The following HINT3 variants were observed in gnomAD, a reference collection of about 807,000 sequenced individuals.
HINT3 encodes the protein histidine triad nucleotide binding protein 3.
HINT3 carries 16 observed loss-of-function variants against 19.1 expected under a neutral mutation model. That is an observed-to-expected ratio of 0.84 (90% CI 0.57 to 1.27). HINT3 has a LOEUF of 1.27. Ranked by LOEUF, HINT3 falls within the 50% of genes most tolerant of loss-of-function variation. The probability of loss-of-function intolerance (pLI) is 0.00; values close to 1 mark genes in which losing one functional copy is unlikely to be tolerated. For missense variants in HINT3, 197 were observed against 225.8 expected (o/e 0.87, Z 0.82); for synonymous variants, 75 against 84.8 (o/e 0.88, Z 0.63).
chr6:125,957,876 G>T (rs1385250160), intron 1 of HINT3, among the ~76,000 whole-genome samples: 1 of 152,182 alleles, frequency 6.6e-6, no homozygotes, highest in Non-Finnish European at 1.5e-5. Flanking sequence ...TCCAAAGATT[G>T]TGTCTTTTGT....
At chr6:125,976,245 A>G (rs923559860) in intron 4 of HINT3, among the ~76,000 whole-genome samples, 1 of 151,962 alleles carries the variant, frequency 6.6e-6, no homozygotes, top group African/African-American at 2.4e-5. Context: ...CATTTAAATA[A>G]TATAAAAATA....
chr6:125,976,052 T>C lies in HINT3; in HGVS notation c.516+1079T>C, dbSNP rs896295715. Among the ~76,000 whole-genome samples the C allele has an allele frequency of 5.9e-5, 9 of 152,344 alleles. No individual in the cohort carries two copies. In the South Asian group the frequency reaches 1.9e-3, roughly 32 times the overall value. On this transcript the variant is annotated intron_variant, in intron 4 of 4. Coordinates refer to ENST00000229633, the MANE Select transcript of HINT3 (RefSeq NM_138571.5). ...ACCAGGGTGTTATTTTATGTGTCCA[T>C]GATGACAAAGTGATCTGTAGTTGCC...
chr6:125,964,856 G>C (rs1788994285), intron 1 of HINT3, among the ~76,000 whole-genome samples: 1 of 151,954 alleles, frequency 6.6e-6, no homozygotes, highest in Non-Finnish European at 1.5e-5. Flanking sequence ...ATGATGCCTG[G>C]ATCAGCAGTA....
intron 3 of HINT3, among the ~76,000 whole-genome samples, chr6:125,973,270 G>T (rs1045911296): frequency 4.0e-5 from 6 of 151,578 alleles, no homozygotes; most frequent in African/African-American, 1.5e-4. Flanking sequence ...GTAGAGACAG[G>T]GTTTTGCTAT....
intron 1 of HINT3, among the ~76,000 whole-genome samples, chr6:125,962,213 C>CACATAT (rs1379047401): frequency 2.8e-5 from 1 of 36,320 alleles, no homozygotes; most frequent in Non-Finnish European, 4.0e-5. Flanking sequence ...TATATATACA[C>CACATAT]ATATATATAT....
chr6:125,971,836 A>G (rs1013646117), intron 2 of HINT3, among the ~76,000 whole-genome samples: 1 of 146,446 alleles, frequency 6.8e-6, no homozygotes, highest in African/African-American at 2.5e-5. Flanking sequence ...CAGCCTCCCG[A>G]GTAGCTGGGA....
Position 125,966,834 on chromosome 6 carries a change from C to G in HINT3, c.202-53C>G, listed in dbSNP as rs200045236. On this transcript the variant is annotated intron_variant, in intron 1 of 4. Coordinates refer to ENST00000229633, the MANE Select transcript of HINT3 (RefSeq NM_138571.5). The stretch of plus-strand genomic sequence containing the variant: ...TAATGATATTTAAGTCATGCCAGAA[C>G]AGCATTAAGAAATTCTTTTTAAAAA... The G allele has an allele frequency of 3.1e-3, 3,556 of 1,159,550 alleles. 9 individuals are homozygous for G. The highest frequency in any genetic ancestry group is 4.0e-3 in the Non-Finnish European group (3,111 of 781,730). 71.8% of individuals were successfully genotyped at this position (1,159,550 alleles called of 1,614,324 possible).
At chr6:125,967,826 G>A (rs1343058156) in intron 2 of HINT3, among the ~76,000 whole-genome samples, 1 of 152,148 alleles carries the variant, frequency 6.6e-6, no homozygotes. Context: ...TTTTAGTGAT[G>A]AACTTCTAGC....
At chr6:125,962,534 C>T (rs948296072) in intron 1 of HINT3, among the ~76,000 whole-genome samples, 14 of 151,976 alleles carry the variant, frequency 9.2e-5, no homozygotes, top group East Asian at 5.8e-4. Flanking sequence ...TTCATATACT[C>T]ATTCAAATAT....
intron 1 of HINT3, among the ~76,000 whole-genome samples, chr6:125,958,033 C>A (rs1351173970): frequency 6.6e-6 from 1 of 152,146 alleles, no homozygotes; most frequent in African/African-American, 2.4e-5. Flanking sequence ...TAGCCAGTTA[C>A]AATGCCTCGT....
At chr6:125,964,597 A>C (rs143067201) in intron 1 of HINT3, among the ~76,000 whole-genome samples, 19 of 152,062 alleles carry the variant, frequency 1.2e-4, no homozygotes, top group Non-Finnish European at 2.6e-4. Flanking sequence ...GATCTTCCTC[A>C]TTCCTTTTTA....
rs555465679 is a variant in HINT3, at chr6:125,965,300, A to G, written c.202-1587A>G. 2.4e-3 allele frequency among the ~76,000 whole-genome samples: 373 copies of G among 152,324 alleles called. 2 individuals are homozygous for G. The highest frequency in any genetic ancestry group is 4.3e-3 in the Non-Finnish European group (294 of 68,022). On this transcript the variant is annotated intron_variant, in intron 1 of 4. Transcript: ENST00000229633. ...CTGTGAGGTAGAGTACAGCTACATCATCTCAAACTAACCAGGTTGTATTCT... is the reference window on the plus strand; with the variant it reads ...CTGTGAGGTAGAGTACAGCTACATCGTCTCAAACTAACCAGGTTGTATTCT...
intron 3 of HINT3, among the ~76,000 whole-genome samples, chr6:125,973,623 G>A (rs1473402002): frequency 6.6e-6 from 1 of 152,098 alleles, no homozygotes; most frequent in Non-Finnish European, 1.5e-5. Context: ...GCTGGTAGGT[G>A]CAAATGAGAT....
At chr6:125,973,608 T>C (rs528824269) in intron 3 of HINT3, among the ~76,000 whole-genome samples, 27 of 152,330 alleles carry the variant, frequency 1.8e-4, no homozygotes, top group African/African-American at 6.0e-4. Context: ...ATACCTGCTC[T>C]GCCTGCTGGT....
chr6:125,959,141 G>A (rs1435002260), intron 1 of HINT3, among the ~76,000 whole-genome samples: 1 of 152,150 alleles, frequency 6.6e-6, no homozygotes, highest in African/African-American at 2.4e-5. Context: ...TAAATGGTTG[G>A]ATAGTCTAGC....
chr6:125,956,885 C>A lies in HINT3; in HGVS notation c.-93C>A. ...CAGCGTCAGGCGAGGGGCGACGTCTCGAGGTAAAACGGAGGAGGTGCGGGA... is the reference window on the plus strand; with the variant it reads ...CAGCGTCAGGCGAGGGGCGACGTCTAGAGGTAAAACGGAGGAGGTGCGGGA... On this transcript the variant is annotated 5_prime_UTR_variant, in exon 1 of 5. Transcript: ENST00000229633. 1 of 1,287,516 alleles carries A rather than the reference C, an allele frequency of 7.8e-7. No homozygotes were observed. 79.8% of individuals were successfully genotyped at this position (1,287,516 alleles called of 1,614,324 possible).
At chr6:125,973,674 C>T (rs988655784) in intron 3 of HINT3, among the ~76,000 whole-genome samples, 5 of 152,114 alleles carry the variant, frequency 3.3e-5, no homozygotes, top group African/African-American at 9.7e-5. Context: ...TAAGTATTAC[C>T]AAGTGTGATA....
At chr6:125,972,934 T>TTCAATATGGGCATTCCTATAAAA (rs1789128921) in intron 3 of HINT3, among the ~76,000 whole-genome samples, 1 of 152,126 alleles carries the variant, frequency 6.6e-6, no homozygotes, top group South Asian at 2.1e-4. Flanking sequence ...TATAAAACTG[T>TTCAATATGGGCATTCCTATAAAA]ATGCAAGTTG....
chr6:125,965,669 C>T (rs1014891156), intron 1 of HINT3, among the ~76,000 whole-genome samples: 2 of 151,972 alleles, frequency 1.3e-5, no homozygotes, highest in Non-Finnish European at 2.9e-5. Context: ...GGAGGATCAA[C>T]TGAGCTCAGG....
Sources: allele counts gnomAD v4.1 joint callset (sites outside exome capture counted in the v4.1 genomes callset), GRCh38; gene constraint gnomAD v4.1.1; transcripts MANE v1.5; gene names NCBI Gene and HGNC (gene_info 2026-07-23, HGNC 2026-07-21).